Variants in MAML1 observed in about 807,000 individuals in gnomAD.
MAML1 encodes mastermind like transcriptional coactivator 1.
A neutral mutation model predicts 77.1 loss-of-function variants in MAML1; 14 were observed. The observed-to-expected ratio is 0.18, with a 90% CI of 0.12 to 0.28. The LOEUF is 0.28. Ranked by LOEUF, MAML1 falls within the 10% of genes least tolerant of loss-of-function variation. The pLI is 1.00. For missense variants in MAML1, 1,217 were observed against 1,327.8 expected, an observed-to-expected ratio of 0.92 and a Z score of 1.30; for synonymous variants, 516 against 551.9, an observed-to-expected ratio of 0.93 and a Z score of 0.91.
rs1279759145 is a variant in MAML1, at chr5:179,771,758, G to A, written c.2068+515G>A. On this transcript the variant is annotated intron_variant, in intron 4 of 4. Transcript: ENST00000292599. This position sits in a 1 kb window ranked among gnomAD's most constrained non-coding sequence, Gnocchi z 4.7. ...TAGCTGTCGCCTCTGAGATGTGCCA[G>A]GGAACTTCATAGGCCATCCCTCCAG... is the stretch of plus-strand genomic sequence containing the variant. Among the ~76,000 whole-genome samples the A allele has an allele frequency of 1.3e-5, 2 of 152,204 alleles. No individual in the cohort carries two copies. Among genetic ancestry groups the A allele is most frequent in the Non-Finnish European group, 2.9e-5 (2 of 68,044 alleles).
intron 1 of MAML1, among the ~76,000 whole-genome samples, chr5:179,745,309 T>C (rs1779357595): frequency 6.6e-6 from 1 of 152,210 alleles, no homozygotes; most frequent in African/African-American, 2.4e-5. Context: ...GATTTATTCA[T>C]GTCATTTATG....
At chr5:179,739,182 GA>G (rs35551218) in intron 1 of MAML1, among the ~76,000 whole-genome samples, 3 of 151,354 alleles carry the variant, frequency 2.0e-5, no homozygotes, top group African/African-American at 7.3e-5. Context: ...ATATTTTTTG[GA>G]AAAAAAAGTA....
chr5:179,738,942 A>G (rs1032242865), intron 1 of MAML1, among the ~76,000 whole-genome samples: 1 of 144,926 alleles, frequency 6.9e-6, no homozygotes, highest in African/African-American at 2.4e-5. Context: ...CACCACACCC[A>G]GCCTCATTGG....
chr5:179,766,848 G>A lies in MAML1; in HGVS notation c.1731+107G>A. On this transcript the variant is annotated intron_variant, in intron 2 of 4. Transcript: ENST00000292599. The surrounding 1 kb of genome is among the most constrained non-coding windows in gnomAD (Gnocchi z 4.0). ...CCGAGGTAGTTGTGGGAAGAGGGAG[G>A]AGGGAATAGCTGCTGTCATCCTTGC... is the stretch of plus-strand genomic sequence containing the variant. 1.1e-6 allele frequency: 1 copy of A among 879,752 alleles called. No homozygotes were observed. Among genetic ancestry groups the A allele is most frequent in the Non-Finnish European group, 1.7e-6 (1 of 600,688 alleles). 54.5% of individuals were successfully genotyped at this position (879,752 alleles called of 1,614,324 possible).
intron 1 of MAML1, among the ~76,000 whole-genome samples, chr5:179,739,569 A>T (rs538073985): frequency 6.6e-6 from 1 of 152,166 alleles, no homozygotes; most frequent in South Asian, 2.1e-4. Flanking sequence ...CTGTATTCTC[A>T]GCTCCTCGGG....
intron 1 of MAML1, among the ~76,000 whole-genome samples, chr5:179,742,253 C>G (rs1779297351): frequency 6.6e-6 from 1 of 151,374 alleles, no homozygotes; most frequent in African/African-American, 2.4e-5. Flanking sequence ...CTTTGGGAGG[C>G]CAAGGCGGGT....
intron 1 of MAML1, among the ~76,000 whole-genome samples, chr5:179,744,199 C>G (rs887396464): frequency 2.6e-5 from 4 of 151,922 alleles, no homozygotes; most frequent in African/African-American, 9.7e-5. Flanking sequence ...TTTTTTTCTT[C>G]TTCAAGATGG....
At chr5:179,767,770 G>A (rs1483654843) in intron 2 of MAML1, among the ~76,000 whole-genome samples, 2 of 152,186 alleles carry the variant, frequency 1.3e-5, no homozygotes. Flanking sequence ...TTAAGCTTCT[G>A]GTGATTAGAG....
At chr5:179,773,652 A>T (rs1389935172) in intron 4 of MAML1, 1 of 755,666 alleles carries the variant, frequency 1.3e-6, no homozygotes, top group South Asian at 6.0e-5. Context: ...TGAAAGTTAG[A>T]TGAAGTAGGT....
Position 179,733,231 on chromosome 5 carries a change from G to T in MAML1, c.119G>T (p.Arg40Leu). ...CRRHHSTCEA[R>L]YEAVSPERLE... The stretch of plus-strand genomic sequence containing the variant: ...CGCCACCACAGCACCTGCGAGGCCC[G>T]CTACGAGGCCGTGTCGCCCGAGCGC... Residue 40 changes from arginine to leucine, a missense_variant, in exon 1 of 5, where the codon CGC (arginine) becomes CTC (leucine). By Grantham distance (102) the Arg-to-Leu change is moderately radical. Around this residue, in one of 3 missense-constraint regions of MAML1, gnomAD observed 312 missense variants for 331.4 expected, o/e 0.94. Coordinates refer to ENST00000292599, the MANE Select transcript of MAML1 (RefSeq NM_014757.5). 6.8e-7 allele frequency: 1 copy of T among 1,476,500 alleles called. No homozygotes were observed. The highest frequency in any genetic ancestry group is 9.0e-7 in the Non-Finnish European group (1 of 1,117,054). 91.5% of individuals were successfully genotyped at this position (1,476,500 alleles called of 1,614,324 possible).
At chr5:179,744,994 C>T (rs139063168) in intron 1 of MAML1, among the ~76,000 whole-genome samples, 1,824 of 151,852 alleles carry the variant, frequency 0.012, 21 homozygotes, top group Non-Finnish European at 0.017. Context: ...CTCTGCCTCC[C>T]GTGTTCACGC....
At chr5:179,741,703 A>G (rs976384231) in intron 1 of MAML1, among the ~76,000 whole-genome samples, 1 of 145,908 alleles carries the variant, frequency 6.9e-6, no homozygotes, top group Non-Finnish European at 1.5e-5. Flanking sequence ...AAAAAAAAAA[A>G]AGAATTTACT....
At chr5:179,753,224 C>CGCGCGTGTGTGTGT (rs1554150279) in intron 1 of MAML1, among the ~76,000 whole-genome samples, 2 of 24,388 alleles carry the variant, frequency 8.2e-5, no homozygotes, top group East Asian at 1.6e-3. Context: ...TGTGTGTGTG[C>CGCGCGTGTGTGTGT]GCGCGCGCGC....
In MAML1 at chr5:179,776,975, G is replaced by T. The variant is rs1581952805; in HGVS notation, c.*2098G>T. ...GCTCAGACTTTTGTTATACACATTTGCTTTGTGTAAATAAATGTTTACAAT... is the reference window on the plus strand; with the variant it reads ...GCTCAGACTTTTGTTATACACATTTTCTTTGTGTAAATAAATGTTTACAAT... On this transcript the variant is annotated 3_prime_UTR_variant, in exon 5 of 5. Transcript: ENST00000292599. The T allele has an allele frequency of 3.0e-6, 3 of 985,056 alleles. No individual in the cohort carries two copies. The East Asian group carries it at 3.4e-4, about 112-fold the overall frequency. 61.0% of individuals were successfully genotyped at this position (985,056 alleles called of 1,614,324 possible). A position where few individuals can be genotyped will look rare whatever the true frequency, so the allele number is the denominator to read the frequency against.
At chr5:179,753,090 TCTCA>T (rs1282192725) in intron 1 of MAML1, among the ~76,000 whole-genome samples, 36 of 152,312 alleles carry the variant, frequency 2.4e-4, no homozygotes, top group Non-Finnish European at 3.5e-4. Context: ...GGAACTCTTA[TCTCA>T]CTGTCACTTC....
At chr5:179,772,413 G>A (rs575297293) in intron 4 of MAML1, among the ~76,000 whole-genome samples, 111 of 152,244 alleles carry the variant, frequency 7.3e-4, no homozygotes, top group African/African-American at 2.5e-3. Flanking sequence ...TACCGTGCCC[G>A]GCCCCAATTT....
At chr5:179,767,714 C>T (rs1390456728) in intron 2 of MAML1, among the ~76,000 whole-genome samples, 1 of 152,190 alleles carries the variant, frequency 6.6e-6, no homozygotes, top group African/African-American at 2.4e-5. Flanking sequence ...AGGGTGCTTG[C>T]CATCTGGGTA....
intron 2 of MAML1, among the ~76,000 whole-genome samples, chr5:179,767,684 A>T: frequency 6.6e-6 from 1 of 152,184 alleles, no homozygotes; most frequent in East Asian, 1.9e-4. Flanking sequence ...CCCTGAAGAG[A>T]GGCTCAGCTG....
chr5:179,752,099 G>A (rs1432696730), intron 1 of MAML1, among the ~76,000 whole-genome samples: 1 of 151,892 alleles, frequency 6.6e-6, no homozygotes, highest in East Asian at 1.9e-4. Flanking sequence ...AGGCCGAGGT[G>A]GGTGGATCAC....
Sources: allele counts gnomAD v4.1 joint callset (sites outside exome capture counted in the v4.1 genomes callset), GRCh38; gene constraint gnomAD v4.1.1; regional missense constraint gnomAD v4.1.1; non-coding constraint Gnocchi (gnomAD v3.1); transcripts MANE v1.5; gene names NCBI Gene and HGNC (gene_info 2026-07-23, HGNC 2026-07-21).